The following GAB1 variants were observed in gnomAD, a reference collection of about 807,000 sequenced individuals.
GAB1 encodes the protein GRB2-associated-binding protein 1.
A neutral mutation model predicts 66.5 loss-of-function variants in GAB1; 19 were observed. The observed-to-expected ratio is 0.29, with a 90% CI of 0.20 to 0.42. The LOEUF (loss-of-function observed/expected upper bound fraction) is 0.42. Among genes scored for constraint, GAB1 ranks in the 10% least tolerant of loss-of-function variants. The probability of loss-of-function intolerance (pLI) is 1.00; values close to 1 mark genes in which losing one functional copy is unlikely to be tolerated. For synonymous variants in GAB1, 294 were observed against 301.4 expected (o/e 0.98, Z 0.25); for missense variants, 732 against 858.5 (o/e 0.85, Z 1.84).
At chr4:143,339,219 T>C (rs564658231) in intron 1 of GAB1, among the ~76,000 whole-genome samples, 6 of 152,220 alleles carry the variant, frequency 3.9e-5, no homozygotes, top group Non-Finnish European at 7.3e-5. Flanking sequence ...ATGTGGAGCT[T>C]AGACTAGGTT....
intron 8 of GAB1, 31 bp from the exon 9 acceptor site, chr4:143,466,072 G>T: frequency 6.2e-7 from 1 of 1,610,230 alleles, no homozygotes; most frequent in South Asian, 1.1e-5. Flanking sequence ...GTGAATGTCT[G>T]ACCGTTGATT....
At chr4:143,391,094 G>A (rs1223756395) in intron 1 of GAB1, among the ~76,000 whole-genome samples, 2 of 152,198 alleles carry the variant, frequency 1.3e-5, no homozygotes, top group African/African-American at 4.8e-5. Flanking sequence ...CATTGTGGAA[G>A]AACAGAAGAA....
At chr4:143,422,934 T>C (rs1733099107) in intron 2 of GAB1, among the ~76,000 whole-genome samples, 1 of 152,248 alleles carries the variant, frequency 6.6e-6, no homozygotes, top group Non-Finnish European at 1.5e-5. Flanking sequence ...TGTTTAGTTC[T>C]TAGAAGCTTG....
At chr4:143,377,548 T>C (rs1177610858) in intron 1 of GAB1, among the ~76,000 whole-genome samples, 1 of 152,210 alleles carries the variant, frequency 6.6e-6, no homozygotes, top group Admixed American at 6.5e-5. Context: ...TTAATTATTC[T>C]GGCAAGAAGT....
At chr4:143,345,970 T>G (rs1237747834) in intron 1 of GAB1, among the ~76,000 whole-genome samples, 1 of 152,202 alleles carries the variant, frequency 6.6e-6, no homozygotes, top group Non-Finnish European at 1.5e-5. Flanking sequence ...CCAAGTGATC[T>G]CTTGCCTCGT....
intron 1 of GAB1, among the ~76,000 whole-genome samples, chr4:143,376,231 G>C (rs1201504757): frequency 6.6e-6 from 1 of 152,168 alleles, no homozygotes; most frequent in Non-Finnish European, 1.5e-5. Context: ...ATACTGTTTA[G>C]GGCTTGTAGG....
At chr4:143,380,823 TTTACAGTTCATG>T (rs1730628325) in intron 1 of GAB1, 1 of 152,230 alleles carries the variant, frequency 6.6e-6, no homozygotes, top group African/African-American at 2.4e-5. Flanking sequence ...GTTACGTATA[TTTACAGTTCATG>T]GTTCTCTGCA....
At chr4:143,424,937 G>T in intron 2 of GAB1, 1 of 563,856 alleles carries the variant, frequency 1.8e-6, no homozygotes, top group Non-Finnish European at 3.2e-6. Flanking sequence ...CCTGGTGGCA[G>T]AGCGAGACTC....
intron 6 of GAB1, among the ~76,000 whole-genome samples, chr4:143,447,588 T>C (rs1219480511): frequency 6.6e-6 from 1 of 152,226 alleles, no homozygotes; most frequent in African/African-American, 2.4e-5. Context: ...ATGATTTGGC[T>C]CTCTGTTATT....
At chr4:143,390,631 A>G (rs1330328715) in intron 1 of GAB1, among the ~76,000 whole-genome samples, 1 of 152,168 alleles carries the variant, frequency 6.6e-6, no homozygotes, top group Non-Finnish European at 1.5e-5. Context: ...GAACAGTGCT[A>G]CATAATAGTG....
intron 1 of GAB1, among the ~76,000 whole-genome samples, chr4:143,357,339 T>C (rs564698302): frequency 2.0e-5 from 3 of 152,324 alleles, no homozygotes; most frequent in Admixed American, 1.3e-4. Flanking sequence ...TTTTTGACTT[T>C]GACACCTGTC....
intron 1 of GAB1, among the ~76,000 whole-genome samples, chr4:143,354,977 A>G (rs932927901): frequency 5.3e-5 from 8 of 152,208 alleles, no homozygotes; most frequent in African/African-American, 1.9e-4. Context: ...TCCTTCAACT[A>G]AGTTCTAGCA....
At chr4:143,442,980 CA>C (rs1323278151) in intron 6 of GAB1, among the ~76,000 whole-genome samples, 16 of 142,320 alleles carry the variant, frequency 1.1e-4, no homozygotes, top group African/African-American at 3.6e-4. Flanking sequence ...TCATAGTATT[CA>C]AAAAAAATTT....
intron 2 of GAB1, chr4:143,417,596 A>T (rs942089779): frequency 5.4e-6 from 1 of 185,136 alleles, no homozygotes; most frequent in African/African-American, 2.4e-5. Context: ...TTTAATAGAG[A>T]TGGGGTTTCA....
intron 1 of GAB1, among the ~76,000 whole-genome samples, chr4:143,339,233 T>G (rs890230449): frequency 2.0e-5 from 3 of 152,222 alleles, no homozygotes; most frequent in African/African-American, 7.2e-5. Context: ...CTAGGTTATC[T>G]CTAAAGGTCC....
intron 6 of GAB1, among the ~76,000 whole-genome samples, chr4:143,448,977 C>G (rs976979216): frequency 1.3e-5 from 2 of 152,106 alleles, no homozygotes; most frequent in Non-Finnish European, 1.5e-5. Flanking sequence ...CCCAGAGATT[C>G]TGGTATGCTG....
rs1729349831 is a variant in GAB1, at chr4:143,354,198, T to C, written c.72+16938T>C. Among the ~76,000 whole-genome samples the C allele has an allele frequency of 3.3e-5, 5 of 152,234 alleles. No individual in the cohort carries two copies. In the South Asian group the frequency reaches 1.0e-3, roughly 32 times the overall value. Reference sequence around the variant, plus strand: ...GCTCTCTTCATTTCAGGTGACCTTATTTTCTTGCTTTCTTTTGTTTTTAAA... The same window carrying C: ...GCTCTCTTCATTTCAGGTGACCTTACTTTCTTGCTTTCTTTTGTTTTTAAA... On this transcript the variant is annotated intron_variant, in intron 1 of 9. Transcript: ENST00000262994.
chr4:143,349,496 C>G lies in GAB1; in HGVS notation c.72+12236C>G. The G allele has an allele frequency of 2.6e-6, 4 of 1,533,102 alleles. No homozygotes were observed. In the South Asian group the frequency reaches 4.5e-5, roughly 17 times the overall value. 95.0% of individuals were successfully genotyped at this position (1,533,102 alleles called of 1,614,324 possible). A position where few individuals can be genotyped will look rare whatever the true frequency, so the allele number is the denominator to read the frequency against. On this transcript the variant is annotated intron_variant, in intron 1 of 9. Transcript: ENST00000262994. ...CAGCCCTGGGCTGGGGTGTAGCAGT[C>G]ATCGATACCAGCCATCATGAGCAGC...
chr4:143,376,063 T>C (rs1315507827), intron 1 of GAB1, among the ~76,000 whole-genome samples: 2 of 152,086 alleles, frequency 1.3e-5, no homozygotes, highest in East Asian at 3.9e-4. Context: ...ATCTGGAATG[T>C]TGTATCCTGG....
Sources: gnomAD v4.1 joint callset for allele counts (sites outside exome capture counted in the v4.1 genomes callset) on GRCh38, gnomAD v4.1.1 for gene constraint, MANE v1.5 for transcripts, NCBI Gene and HGNC (gene_info 2026-07-23, HGNC 2026-07-21) for gene names.